PTPRD: variants seen among roughly 807,000 people sequenced by gnomAD.
The protein encoded by PTPRD is protein tyrosine phosphatase receptor type D.
Under a neutral mutation model 214.5 loss-of-function variants are expected in PTPRD, and 34 were observed. The observed-to-expected ratio is 0.16, with a 90% confidence interval of 0.12 to 0.21. The LOEUF is 0.21. PTPRD is among the 10% of genes least tolerant of loss of function. PTPRD has a pLI of 1.00. For synonymous variants in PTPRD, 1,128 were observed against 845.7 expected (o/e 1.33, Z -5.79); for missense variants, 2,545 against 2,398.7 (o/e 1.06, Z -1.27).
chr9:10,289,973 G>C (rs1238202653), intron 3 of PTPRD, among the ~76,000 whole-genome samples: 1 of 152,092 alleles, frequency 6.6e-6, no homozygotes, highest in Non-Finnish European at 1.5e-5. Context: ...ATTTGTTTCA[G>C]TGAAATTTAA....
rs527895038 is a variant in PTPRD at position 9,444,080 on chromosome 9, G to A, written c.-236-46598C>T. Among the ~76,000 whole-genome samples the A allele has an allele frequency of 2.0e-5, 3 of 152,170 alleles. No homozygotes were observed. In the East Asian group the frequency reaches 5.8e-4, roughly 29 times the overall value. On this transcript the variant is annotated intron_variant, in intron 8 of 45. Transcript: ENST00000381196. Reference sequence around the variant, plus strand: ...ATTTCTTGAGTAAGTCATCCTGTTTGGCCAAACACTGTATAATCAACTTGA... The same window carrying A: ...ATTTCTTGAGTAAGTCATCCTGTTTAGCCAAACACTGTATAATCAACTTGA...
At chr9:9,021,782 T>G (rs1223870972) in intron 10 of PTPRD, among the ~76,000 whole-genome samples, 1 of 152,120 alleles carries the variant, frequency 6.6e-6, no homozygotes, top group Non-Finnish European at 1.5e-5. Flanking sequence ...CACAAAAAAT[T>G]TAAAAAGAAA....
chr9:9,636,237 C>T (rs1287834125), intron 7 of PTPRD, among the ~76,000 whole-genome samples: 2 of 152,150 alleles, frequency 1.3e-5, no homozygotes, highest in Non-Finnish European at 2.9e-5. Context: ...AAGTCTTTCC[C>T]GACACTGTAT....
rs550452046 is a variant in PTPRD at position 10,278,374 on chromosome 9, C to A, written c.-545+62589G>T. On this transcript the variant is annotated intron_variant, in intron 3 of 45. Coordinates refer to ENST00000381196, the MANE Select transcript of PTPRD (RefSeq NM_002839.4). ...CACAGCTTTCTGGGAGACTGCTGTA[C>A]AAACAAAGTGGTTCAGGAGGTCCTG... 9.2e-5 allele frequency among the ~76,000 whole-genome samples: 14 copies of A among 152,240 alleles called. No individual in the cohort carries two copies. The South Asian group carries it at 1.2e-3, about 14-fold the overall frequency.
At chr9:9,922,152 A>C (rs961173356) in intron 5 of PTPRD, among the ~76,000 whole-genome samples, 35 of 152,108 alleles carry the variant, frequency 2.3e-4, no homozygotes, top group African/African-American at 7.7e-4. Flanking sequence ...CCACTTGGAA[A>C]AACTGAGTGC....
intron 44 of PTPRD, among the ~76,000 whole-genome samples, chr9:8,329,004 T>C (rs1836886540): frequency 6.6e-6 from 1 of 152,194 alleles, no homozygotes; most frequent in Non-Finnish European, 1.5e-5. Flanking sequence ...AGTTTGTTAT[T>C]ACCCACGTTC....
chr9:10,517,226 G>C (rs969105619), intron 2 of PTPRD, among the ~76,000 whole-genome samples: 4 of 151,840 alleles, frequency 2.6e-5, no homozygotes, highest in Non-Finnish European at 4.4e-5. Context: ...ATTTGTTTGT[G>C]TGATTTGATT....
At chr9:10,337,633 A>T (rs77413973) in intron 3 of PTPRD, among the ~76,000 whole-genome samples, 4,363 of 151,878 alleles carry the variant, frequency 0.029, 287 homozygotes, top group Admixed American at 0.16. Context: ...AATTAAAACA[A>T]TGCTTAAGTC....
chr9:10,015,776 T>A (rs772295707), intron 4 of PTPRD, among the ~76,000 whole-genome samples: 15 of 152,186 alleles, frequency 9.9e-5, no homozygotes, highest in Non-Finnish European at 1.8e-4. Context: ...TATCATAGTA[T>A]CTTAAGAAAT....
intron 10 of PTPRD, among the ~76,000 whole-genome samples, chr9:9,060,019 TTTTG>T (rs1041786062): frequency 2.0e-4 from 31 of 152,290 alleles, no homozygotes; most frequent in East Asian, 5.8e-4. Flanking sequence ...AAATGTAAAT[TTTTG>T]TTTGTTTGTA....
At chr9:8,638,096 GTTCC>G (rs1305591656) in intron 12 of PTPRD, among the ~76,000 whole-genome samples, 6 of 133,020 alleles carry the variant, frequency 4.5e-5, no homozygotes, top group Non-Finnish European at 9.5e-5. Context: ...ACATTTTGCT[GTTCC>G]TTCTTTTTTT....
At chr9:9,384,071 T>C (rs1174511749) in intron 9 of PTPRD, among the ~76,000 whole-genome samples, 3 of 151,772 alleles carry the variant, frequency 2.0e-5, no homozygotes, top group Non-Finnish European at 4.4e-5. Context: ...TTACTAATTA[T>C]ATTGAATTCA....
In PTPRD at chr9:9,270,216, T is replaced by C. The variant is rs116274393; in HGVS notation, c.-202-86853A>G. On this transcript the variant is annotated intron_variant, in intron 9 of 45. Transcript: ENST00000381196. ...CATTAAATATGAACAATTATTATTTTCAATTATGCCTTTATAAAGCTAGGG... is the reference window on the plus strand; with the variant it reads ...CATTAAATATGAACAATTATTATTTCCAATTATGCCTTTATAAAGCTAGGG... 8.0e-3 allele frequency among the ~76,000 whole-genome samples: 1,214 copies of C among 151,386 alleles called. 17 individuals carry two copies. The highest frequency in any genetic ancestry group is 0.028 in the African/African-American group (1,156 of 41,420).
chr9:10,139,961 C>G, intron 3 of PTPRD, among the ~76,000 whole-genome samples: 1 of 152,076 alleles, frequency 6.6e-6, no homozygotes, highest in East Asian at 1.9e-4. Context: ...AACATACTTT[C>G]TTGATATCAG....
intron 10 of PTPRD, among the ~76,000 whole-genome samples, chr9:9,053,018 A>G (rs1477681099): frequency 6.6e-6 from 1 of 152,294 alleles, no homozygotes; most frequent in African/African-American, 2.4e-5. Flanking sequence ...ATGGTGAATG[A>G]CAATTTCCAA....
intron 11 of PTPRD, among the ~76,000 whole-genome samples, chr9:9,017,021 T>C: frequency 6.6e-6 from 1 of 152,076 alleles, no homozygotes; most frequent in Non-Finnish European, 1.5e-5. Flanking sequence ...AAACAATGTA[T>C]GGTGGCCTAG....
chr9:9,261,415 T>C (rs2099980052), intron 9 of PTPRD, among the ~76,000 whole-genome samples: 1 of 151,908 alleles, frequency 6.6e-6, no homozygotes, highest in South Asian at 2.1e-4. Flanking sequence ...TAAGGAAATC[T>C]GTGGTAGGTA....
intron 3 of PTPRD, among the ~76,000 whole-genome samples, chr9:10,164,601 A>AT (rs1213626932): frequency 6.6e-6 from 1 of 151,694 alleles, no homozygotes; most frequent in African/African-American, 2.4e-5. Flanking sequence ...AAAGAAAATT[A>AT]TATGTGATTT....
chr9:9,583,610 T>C (rs112904386), intron 7 of PTPRD, among the ~76,000 whole-genome samples: 4,993 of 152,184 alleles, frequency 0.033, 232 homozygotes, highest in African/African-American at 0.1. Context: ...TTATAAATTG[T>C]AACTCCCAGC....
Sources: gnomAD v4.1 joint callset for allele counts (sites outside exome capture counted in the v4.1 genomes callset) on GRCh38, gnomAD v4.1.1 for gene constraint, MANE v1.5 for transcripts, NCBI Gene and HGNC (gene_info 2026-07-23, HGNC 2026-07-21) for gene names.